TTPAL: variants seen among roughly 807,000 people sequenced by gnomAD.
TTPAL encodes the protein alpha-tocopherol transfer protein-like.
TTPAL carries 21 observed loss-of-function variants against 28.7 expected under a neutral mutation model. The ratio of observed to expected loss-of-function variants is 0.73; its 90% CI spans 0.52 to 1.06. TTPAL has a LOEUF of 1.06. Ranked by LOEUF, TTPAL falls within the 50% of genes least tolerant of loss-of-function variation. The pLI, the probability that TTPAL is intolerant of heterozygous loss-of-function variation, is 0.00. For missense variants in TTPAL, 345 were observed against 425.5 expected, an observed-to-expected ratio of 0.81 and a Z score of 1.67; for synonymous variants, 169 against 171.9, an observed-to-expected ratio of 0.98 and a Z score of 0.13.
At chr20:44,486,440 C>T (rs1434281057) in intron 3 of TTPAL, 156 bp from the exon 4 acceptor site, 5 of 532,904 alleles carry the variant, frequency 9.4e-6, no homozygotes, top group African/African-American at 3.9e-5. Flanking sequence ...CCCTGAGGTC[C>T]GTCTTCCTAG....
chr20:44,477,168 A>G (rs1415247274), intron 1 of TTPAL, among the ~76,000 whole-genome samples: 1 of 152,210 alleles, frequency 6.6e-6, no homozygotes, highest in Non-Finnish European at 1.5e-5. Context: ...GCGATGGAAA[A>G]TGAGGCTGGA....
At chr20:44,484,106 T>C (rs996531196) in intron 2 of TTPAL, among the ~76,000 whole-genome samples, 1 of 152,218 alleles carries the variant, frequency 6.6e-6, no homozygotes, top group Non-Finnish European at 1.5e-5. Flanking sequence ...GAGCTCATGC[T>C]CTTAACCTCA....
Position 44,491,480 on chromosome 20 carries a change from G to A in TTPAL, c.*1939G>A, listed in dbSNP as rs928166077. The A allele has an allele frequency of 6.6e-6, 1 of 152,298 alleles. No individual in the cohort carries two copies. The highest frequency in any genetic ancestry group is 1.5e-5 in the Non-Finnish European group (1 of 68,034). 9.4% of individuals were successfully genotyped at this position (152,298 alleles called of 1,614,324 possible). A position where few individuals can be genotyped will look rare whatever the true frequency, so the allele number is the denominator to read the frequency against. Reference sequence around the variant, plus strand: ...TCTGAAATTTGAAGGCCAATCTGTTGTTACTAAGCTGTTTATCTCTATTGC... The same window carrying A: ...TCTGAAATTTGAAGGCCAATCTGTTATTACTAAGCTGTTTATCTCTATTGC... On this transcript the variant is annotated 3_prime_UTR_variant, in exon 5 of 5. Coordinates refer to ENST00000262605, the MANE Select transcript of TTPAL (RefSeq NM_001039199.3).
intron 4 of TTPAL, among the ~76,000 whole-genome samples, chr20:44,487,604 CTTAT>C (rs1032431749): frequency 6.6e-6 from 1 of 152,214 alleles, no homozygotes; most frequent in African/African-American, 2.4e-5. Context: ...TAGCTTACCT[CTTAT>C]TTAAGAAGGG....
chr20:44,479,151 TCC>T (rs1056253275), intron 1 of TTPAL, among the ~76,000 whole-genome samples: 17 of 151,062 alleles, frequency 1.1e-4, no homozygotes, highest in African/African-American at 4.2e-4. Context: ...TTAACCAGTC[TCC>T]CCTGATAGGC....
At position 44,484,399 on chromosome 20, in the gene TTPAL, GA is replaced by G. The variant is rs1199511450; in HGVS notation, c.513del (p.Lys171AsnfsTer10). ...ENIRAIYLTL[E>X]KLIQSEETQV... Reference sequence around the variant, plus strand: ...CATCCGAGCCATATACTTGACCTTAGAAAAACTCATTCAGTCTGAAGAAACC... The same window carrying G: ...CATCCGAGCCATATACTTGACCTTAGAAAACTCATTCAGTCTGAAGAAACC... On this transcript the variant is annotated frameshift_variant, in exon 3 of 5. Coordinates refer to ENST00000262605, the MANE Select transcript of TTPAL (RefSeq NM_001039199.3). LOFTEE classifies it high-confidence loss of function. 1.2e-6 allele frequency: 2 copies of G among 1,605,846 alleles called. No homozygotes were observed. The highest frequency in any genetic ancestry group is 1.7e-6 in the Non-Finnish European group (2 of 1,173,306).
chr20:44,477,570 C>A (rs1183701031), intron 1 of TTPAL, among the ~76,000 whole-genome samples: 1 of 152,172 alleles, frequency 6.6e-6, no homozygotes, highest in Non-Finnish European at 1.5e-5. Flanking sequence ...TCAGTCCTCA[C>A]TCCCTTAGAG....
chr20:44,479,250 C>T (rs1444626348), intron 1 of TTPAL, among the ~76,000 whole-genome samples: 2 of 151,988 alleles, frequency 1.3e-5, no homozygotes, highest in Admixed American at 6.6e-5. Context: ...AAGTATATGT[C>T]CTAGAAATGG....
rs763323281 is a variant in TTPAL, at chr20:44,480,293, C to G, written c.294C>G (p.Leu98=). The part of the protein sequence containing the change: ...RKFDYDRALQ[L]LVNYHSCRRS... ...TTGATTACGACCGGGCCCTGCAGCT[C>G]CTCGTCAACTACCACAGCTGTAGAA... The change falls in exon 2 of 5, where the codon CTC becomes CTG. Residue 98 remains leucine (L), a synonymous_variant. Coordinates refer to ENST00000262605, the MANE Select transcript of TTPAL (RefSeq NM_001039199.3). This position sits in a 1 kb window ranked among gnomAD's most constrained non-coding sequence, Gnocchi z 4.1. 3 of 1,614,106 alleles carry G rather than the reference C, an allele frequency of 1.9e-6. No individual in the cohort carries two copies. Among genetic ancestry groups the G allele is most frequent in the African/African-American group, 2.7e-5 (2 of 74,926 alleles).
Position 44,480,425 on chromosome 20 carries a change from T to G in TTPAL, c.426T>G (p.His142Gln). Residue 142 changes from histidine to glutamine, a missense_variant, in exon 2 of 5, where the codon CAT (histidine) becomes CAG (glutamine). His to Gln is a conservative substitution (Grantham distance 24). Coordinates refer to ENST00000262605, the MANE Select transcript of TTPAL (RefSeq NM_001039199.3). This position sits in a 1 kb window ranked among gnomAD's most constrained non-coding sequence, Gnocchi z 4.1. ...VLPHTDPRGC[H>Q]VVCIRPDRWI... ...CCCACACTGACCCCAGGGGCTGCCA[T>G]GTCGTCTGCATCCGCCCAGGTATCT... 1.2e-6 allele frequency: 2 copies of G among 1,605,342 alleles called. No homozygotes were observed. The highest frequency in any genetic ancestry group is 1.7e-6 in the Non-Finnish European group (2 of 1,174,246).
intron 4 of TTPAL, among the ~76,000 whole-genome samples, chr20:44,489,015 A>G (rs927121159): frequency 6.6e-6 from 1 of 152,178 alleles, no homozygotes; most frequent in African/African-American, 2.4e-5. Flanking sequence ...CATTAATTGA[A>G]TAGTGTGGTG....
In TTPAL at chr20:44,490,896, T is replaced by C. The variant is rs1449188989; in HGVS notation, c.*1355T>C. 1.3e-5 allele frequency: 2 copies of C among 151,784 alleles called. No individual in the cohort carries two copies. Among genetic ancestry groups the C allele is most frequent in the Non-Finnish European group, 2.9e-5 (2 of 67,930 alleles). 9.4% of individuals were successfully genotyped at this position (151,784 alleles called of 1,614,324 possible). On this transcript the variant is annotated 3_prime_UTR_variant, in exon 5 of 5. Transcript: ENST00000262605. The stretch of plus-strand genomic sequence containing the variant: ...TTCGAGACCCGCCTGGCCAAGATGG[T>C]GAAACCCCATCTCTACTAAAAATAC...
At chr20:44,479,632 A>G in intron 1 of TTPAL, among the ~76,000 whole-genome samples, 1 of 151,960 alleles carries the variant, frequency 6.6e-6, no homozygotes. Context: ...CGCCTGCCCC[A>G]ACCTCCCAAA....
Position 44,480,005 on chromosome 20 carries a change from C to T in TTPAL, c.6C>T (p.Ser2=), listed in dbSNP as rs1336544801. ...GGCAGGGACCTTGGTAGCTAATGTC[C>T]GAAGAAAGTGACTCTCTGAGAACCA... The part of the protein sequence containing the change: M[S]EESDSLRTSP... The change falls in exon 2 of 5, where the codon TCC becomes TCT. Residue 2 remains serine (S), a synonymous_variant. Coordinates refer to ENST00000262605, the MANE Select transcript of TTPAL (RefSeq NM_001039199.3). This position sits in a 1 kb window ranked among gnomAD's most constrained non-coding sequence, Gnocchi z 4.1. The T allele has an allele frequency of 9.3e-6, 15 of 1,612,148 alleles. No individual in the cohort carries two copies. In the South Asian group the frequency reaches 9.9e-5, roughly 11 times the overall value.
chr20:44,479,015 G>A (rs1457929087), intron 1 of TTPAL, among the ~76,000 whole-genome samples: 1 of 151,996 alleles, frequency 6.6e-6, no homozygotes. Context: ...GGTCTCGATC[G>A]CCTGACCTCA....
At chr20:44,486,909 G>C (rs190668472) in intron 4 of TTPAL, among the ~76,000 whole-genome samples, 163 of 152,322 alleles carry the variant, frequency 1.1e-3, no homozygotes, top group Middle Eastern at 6.8e-3. Flanking sequence ...CCAGTAGAGA[G>C]AGCAGAACCA....
chr20:44,476,028 C>T (rs2064038660), intron 1 of TTPAL, 37 bp downstream of exon 1: 1 of 152,306 alleles, frequency 6.6e-6, no homozygotes, highest in Non-Finnish European at 1.5e-5. Context: ...GCCCTGGGAG[C>T]TGAGGAGAGG....
rs761756762 is a variant in TTPAL at position 44,486,619 on chromosome 20, A to G, written c.663A>G (p.Lys221=). Residue 221 remains lysine, a synonymous_variant, in exon 4 of 5, where the codon AAA becomes AAG. Coordinates refer to ENST00000262605, the MANE Select transcript of TTPAL (RefSeq NM_001039199.3). Reference sequence around the variant, plus strand: ...AGGATGGTTTCCCCATTCGGATAAAAGCAGTCCATGTGGTGAATGAACCTC... The same window carrying G: ...AGGATGGTTTCCCCATTCGGATAAAGGCAGTCCATGTGGTGAATGAACCTC... ...ILQDGFPIRI[K]AVHVVNEPRI... 3 of 1,612,856 alleles carry G rather than the reference A, an allele frequency of 1.9e-6. No homozygotes were observed. In the South Asian group the frequency reaches 3.3e-5, roughly 18 times the overall value.
Position 44,492,638 on chromosome 20 carries a change from T to C in TTPAL, c.*3097T>C, listed in dbSNP as rs918628128. ...TTTAGTAAATTTAGGTCTGAATGAA[T>C]TGGTACCTAAAAGCTTCCAAATCTA... On this transcript the variant is annotated 3_prime_UTR_variant, in exon 5 of 5. Coordinates refer to ENST00000262605, the MANE Select transcript of TTPAL (RefSeq NM_001039199.3). 4 of 152,276 alleles carry C rather than the reference T, an allele frequency of 2.6e-5. No homozygotes were observed. Among genetic ancestry groups the C allele is most frequent in the African/African-American group, 9.7e-5 (4 of 41,424 alleles). The allele number at this position is 152,276 out of a possible 1,614,324, so 9.4% of individuals were successfully genotyped here.
Sources: gnomAD v4.1 joint callset for allele counts (sites outside exome capture counted in the v4.1 genomes callset) on GRCh38, gnomAD v4.1.1 for gene constraint, Gnocchi (gnomAD v3.1) non-coding constraint, MANE v1.5 for transcripts, NCBI Gene and HGNC (gene_info 2026-07-23, HGNC 2026-07-21) for gene names.